CTTNBP2NL: variants seen among roughly 807,000 people sequenced by gnomAD.
CTTNBP2NL encodes CTTNBP2 N-terminal like, also known as CTTNBP2 N-terminal-like protein.
In CTTNBP2NL, 16 loss-of-function variants were observed where a neutral mutation model predicts 32.5. The ratio of observed to expected loss-of-function variants is 0.49; its 90% CI spans 0.33 to 0.75. CTTNBP2NL has a LOEUF of 0.75. Among genes scored for constraint, CTTNBP2NL ranks in the 30% least tolerant of loss-of-function variants. The pLI is 0.02. For missense variants in CTTNBP2NL, 645 were observed against 756.0 expected, an observed-to-expected ratio of 0.85 and a Z score of 1.72; for synonymous variants, 298 against 289.4, an observed-to-expected ratio of 1.03 and a Z score of -0.30.
intron 3 of CTTNBP2NL, among the ~76,000 whole-genome samples, chr1:112,419,514 C>T (rs1446234707): frequency 2.6e-5 from 4 of 151,672 alleles, no homozygotes; most frequent in African/African-American, 9.7e-5. Context: ...TGTGTTGTGC[C>T]TGCAGCAACC....
At chr1:112,422,131 A>G (rs895858913) in intron 3 of CTTNBP2NL, among the ~76,000 whole-genome samples, 10 of 152,254 alleles carry the variant, frequency 6.6e-5, no homozygotes, top group African/African-American at 2.2e-4. Flanking sequence ...TCTCCTGCTC[A>G]ACTTTCCCCA....
rs890477413 is a variant in CTTNBP2NL at position 112,457,636 on chromosome 1, A to C, written c.*224A>C. The C allele has an allele frequency of 4.8e-5, 23 of 483,196 alleles. No homozygotes were observed. Among genetic ancestry groups the C allele is most frequent in the South Asian group, 3.5e-4 (10 of 28,540 alleles). The allele number at this position is 483,196 out of a possible 1,614,324, so 29.9% of individuals were successfully genotyped here. A position where few individuals can be genotyped will look rare whatever the true frequency, so the allele number is the denominator to read the frequency against. ...CTGAAGCCAGAAAGGCACCTCAAAG[A>C]TGTCTCAAGCTCAGCAGTCACCGTC... On this transcript the variant is annotated 3_prime_UTR_variant, in exon 6 of 6. Coordinates refer to ENST00000271277, the MANE Select transcript of CTTNBP2NL (RefSeq NM_018704.3).
At chr1:112,432,201 G>C (rs1174448498) in intron 3 of CTTNBP2NL, among the ~76,000 whole-genome samples, 2 of 149,252 alleles carry the variant, frequency 1.3e-5, no homozygotes, top group Admixed American at 1.4e-4. Context: ...AGCCTCCCGA[G>C]TAGCTGGGAC....
At chr1:112,416,716 C>G (rs1199333986) in intron 3 of CTTNBP2NL, among the ~76,000 whole-genome samples, 1 of 152,050 alleles carries the variant, frequency 6.6e-6, no homozygotes, top group Non-Finnish European at 1.5e-5. Flanking sequence ...TGGTCTTGAT[C>G]TCTTGACCTG....
chr1:112,418,384 C>CA (rs376508166), intron 3 of CTTNBP2NL, among the ~76,000 whole-genome samples: 1 of 152,288 alleles, frequency 6.6e-6, no homozygotes, highest in African/African-American at 2.4e-5. Flanking sequence ...CCTCCTCACT[C>CA]ACTCTCTATT....
At position 112,457,351 on chromosome 1, in the gene CTTNBP2NL, C is replaced by T. The variant is rs1476119968; in HGVS notation, c.1859C>T (p.Ser620Phe). Residue 620 changes from serine (S) to phenylalanine (F), a missense_variant, in exon 6 of 6, where the codon TCT (serine) becomes TTT (phenylalanine). Ser to Phe is a radical substitution (Grantham distance 155, BLOSUM62 -2). Transcript: ENST00000271277. ...GCAGAAGACCTTGCCAGCAGCTGCT[C>T]TTCCAATACTGTTGTAGCAAATGGT... ...TTAEDLASSC[S>F]SNTVVANGKD... 1.2e-6 allele frequency: 2 copies of T among 1,614,178 alleles called. No individual in the cohort carries two copies. The highest frequency in any genetic ancestry group is 2.2e-5 in the East Asian group (1 of 44,886).
chr1:112,435,186 A>G (rs1476516293), intron 3 of CTTNBP2NL, among the ~76,000 whole-genome samples: 3 of 150,330 alleles, frequency 2.0e-5, no homozygotes, highest in Admixed American at 6.7e-5. Context: ...ATAAATGTTC[A>G]TAGAATTGAA....
intron 3 of CTTNBP2NL, among the ~76,000 whole-genome samples, chr1:112,424,019 A>G (rs1333059743): frequency 1.3e-5 from 2 of 152,114 alleles, no homozygotes; most frequent in Non-Finnish European, 2.9e-5. Flanking sequence ...CGCCGTGCCC[A>G]GCCTATCAAT....
At chr1:112,423,689 A>C (rs1311215681) in intron 3 of CTTNBP2NL, among the ~76,000 whole-genome samples, 1 of 151,980 alleles carries the variant, frequency 6.6e-6, no homozygotes, top group Non-Finnish European at 1.5e-5. Flanking sequence ...GAAGAGCAAA[A>C]GTTTTTCATT....
At chr1:112,422,108 C>A (rs1463104280) in intron 3 of CTTNBP2NL, among the ~76,000 whole-genome samples, 5 of 152,046 alleles carry the variant, frequency 3.3e-5, no homozygotes, top group Admixed American at 1.3e-4. Flanking sequence ...AATTTTTATG[C>A]CCCTTAGTGA....
At chr1:112,405,873 A>G (rs899676358) in intron 1 of CTTNBP2NL, among the ~76,000 whole-genome samples, 2 of 152,162 alleles carry the variant, frequency 1.3e-5, no homozygotes, top group Non-Finnish European at 1.5e-5. Flanking sequence ...CAGAAAGCGA[A>G]TTAAACTGGA....
rs751866060 is a variant in CTTNBP2NL at position 112,457,339 on chromosome 1, C to T, written c.1847C>T (p.Ala616Val). ...TCTTTGACCACTGCAGAAGACCTTG[C>T]CAGCAGCTGCTCTTCCAATACTGTT... Reference protein sequence around the residue: ...AASLTTAEDLASSCSSNTVVA... With the variant: ...AASLTTAEDLVSSCSSNTVVA... Residue 616 changes from alanine (A) to valine (V), a missense_variant, in exon 6 of 6, where the codon GCC (alanine) becomes GTC (valine). Transcript: ENST00000271277. The T allele has an allele frequency of 6.2e-7, 1 of 1,614,154 alleles. No individual in the cohort carries two copies. Among genetic ancestry groups the T allele is most frequent in the Non-Finnish European group, 8.5e-7 (1 of 1,180,012 alleles).
At chr1:112,445,718 A>C (rs1195571422) in intron 3 of CTTNBP2NL, among the ~76,000 whole-genome samples, 2 of 152,254 alleles carry the variant, frequency 1.3e-5, no homozygotes, top group African/African-American at 4.8e-5. Context: ...CAGACAGCCA[A>C]ACAACTGTTC....
rs1570750234 is a variant in CTTNBP2NL, at chr1:112,457,726, C to T, written c.*314C>T. On this transcript the variant is annotated 3_prime_UTR_variant, in exon 6 of 6. Coordinates refer to ENST00000271277, the MANE Select transcript of CTTNBP2NL (RefSeq NM_018704.3). Reference sequence around the variant, plus strand: ...GCTATCTATTTGAGAACTAGAATCACTCAACACTCATTTTGAATTATGCAG... The same window carrying T: ...GCTATCTATTTGAGAACTAGAATCATTCAACACTCATTTTGAATTATGCAG... 1.3e-5 allele frequency: 3 copies of T among 239,406 alleles called. No homozygotes were observed. The highest frequency in any genetic ancestry group is 2.4e-5 in the Non-Finnish European group (3 of 123,732). 14.8% of individuals were successfully genotyped at this position (239,406 alleles called of 1,614,324 possible). A position where few individuals can be genotyped will look rare whatever the true frequency, so the allele number is the denominator to read the frequency against.
At chr1:112,410,456 A>T (rs997107169) in intron 1 of CTTNBP2NL, among the ~76,000 whole-genome samples, 3 of 151,806 alleles carry the variant, frequency 2.0e-5, no homozygotes, top group African/African-American at 7.2e-5. Context: ...CTATTAAAAT[A>T]TCTTTTTTAA....
chr1:112,403,998 A>G (rs1010021001), intron 1 of CTTNBP2NL, among the ~76,000 whole-genome samples: 1 of 152,258 alleles, frequency 6.6e-6, no homozygotes, highest in African/African-American at 2.4e-5. Context: ...ATGAGAAATG[A>G]GAAGCTGACC....
At chr1:112,396,763 C>T (rs1329620920) in intron 1 of CTTNBP2NL, among the ~76,000 whole-genome samples, 1 of 152,206 alleles carries the variant, frequency 6.6e-6, no homozygotes, top group Non-Finnish European at 1.5e-5. Context: ...AAAGACCGAC[C>T]TAGACAGCCA....
At chr1:112,434,901 G>A (rs980228525) in intron 3 of CTTNBP2NL, among the ~76,000 whole-genome samples, 1 of 152,092 alleles carries the variant, frequency 6.6e-6, no homozygotes, top group African/African-American at 2.4e-5. Flanking sequence ...CCAGCACTTT[G>A]GGAGGCCGAG....
At chr1:112,401,784 C>T (rs1648511438) in intron 1 of CTTNBP2NL, among the ~76,000 whole-genome samples, 2 of 152,248 alleles carry the variant, frequency 1.3e-5, no homozygotes, top group African/African-American at 4.8e-5. Flanking sequence ...TAATATGGCT[C>T]ATCTTTGCCA....
Sources: allele counts gnomAD v4.1 joint callset (sites outside exome capture counted in the v4.1 genomes callset), GRCh38; gene constraint gnomAD v4.1.1; transcripts MANE v1.5; gene names NCBI Gene and HGNC (gene_info 2026-07-23, HGNC 2026-07-21).